SPAG16: variants seen among roughly 807,000 people sequenced by gnomAD.
SPAG16 encodes the protein sperm associated antigen 16.
Under a neutral mutation model 80.4 loss-of-function variants are expected in SPAG16, and 86 were observed. The observed-to-expected ratio is 1.07, with a 90% CI of 0.90 to 1.28. SPAG16 has a LOEUF of 1.28. Ranked by LOEUF, SPAG16 falls within the 50% of genes most tolerant of loss-of-function variation. The pLI, the probability that SPAG16 is intolerant of heterozygous loss-of-function variation, is 0.00. For synonymous variants in SPAG16, 294 were observed against 265.9 expected (o/e 1.11, Z -1.03); for missense variants, 870 against 765.3 (o/e 1.14, Z -1.61).
chr2:214,228,344 T>A (rs943482574), intron 15 of SPAG16, among the ~76,000 whole-genome samples: 2 of 151,982 alleles, frequency 1.3e-5, no homozygotes, highest in African/African-American at 4.8e-5. Context: ...GATAGCATTA[T>A]ATCACAGCTG....
At chr2:214,186,737 A>G (rs1039077304) in intron 15 of SPAG16, among the ~76,000 whole-genome samples, 2 of 151,964 alleles carry the variant, frequency 1.3e-5, no homozygotes, top group African/African-American at 2.4e-5. Flanking sequence ...GAAACATGCA[A>G]TATGCAAGTA....
At chr2:214,054,961 A>G (rs2049859636) in intron 13 of SPAG16, among the ~76,000 whole-genome samples, 1 of 152,190 alleles carries the variant, frequency 6.6e-6, no homozygotes, top group Non-Finnish European at 1.5e-5. Context: ...CCTTTGCCCT[A>G]ACACCACCAC....
intron 11 of SPAG16, among the ~76,000 whole-genome samples, chr2:213,929,523 TTTAA>T (rs1266577350): frequency 2.6e-5 from 4 of 152,210 alleles, no homozygotes; most frequent in Non-Finnish European, 4.4e-5. Context: ...TCCTGAAGCA[TTTAA>T]TTAATCTAAA....
At chr2:213,887,468 G>T (rs2076603382) in intron 11 of SPAG16, among the ~76,000 whole-genome samples, 1 of 151,722 alleles carries the variant, frequency 6.6e-6, no homozygotes, top group South Asian at 2.1e-4. Flanking sequence ...TTTCTGAGAT[G>T]AATAACATAA....
chr2:213,557,526 A>T (rs962036665), intron 10 of SPAG16, among the ~76,000 whole-genome samples: 2 of 152,098 alleles, frequency 1.3e-5, no homozygotes, highest in African/African-American at 4.8e-5. Flanking sequence ...CTTTCCAGGG[A>T]ATAGTATATG....
At chr2:213,479,422 C>T (rs2073628964) in intron 9 of SPAG16, among the ~76,000 whole-genome samples, 1 of 151,940 alleles carries the variant, frequency 6.6e-6, no homozygotes. Context: ...TCTGTCTCCT[C>T]AATATATTAT....
At chr2:214,078,769 G>T (rs900758675) in intron 13 of SPAG16, among the ~76,000 whole-genome samples, 2 of 152,066 alleles carry the variant, frequency 1.3e-5, no homozygotes, top group Non-Finnish European at 2.9e-5. Context: ...ATCTTTAGGG[G>T]TTGTTGTTTT....
chr2:213,545,989 G>T (rs2076600026), intron 10 of SPAG16, among the ~76,000 whole-genome samples: 1 of 152,028 alleles, frequency 6.6e-6, no homozygotes. Flanking sequence ...TTTTTAGAAT[G>T]TCATTTTCTC....
At chr2:213,910,136 A>G (rs1283580196) in intron 11 of SPAG16, among the ~76,000 whole-genome samples, 1 of 152,230 alleles carries the variant, frequency 6.6e-6, no homozygotes, top group Admixed American at 6.5e-5. Context: ...TAATACATAC[A>G]TATTCTATGG....
chr2:213,983,159 G>C (rs1042543672), intron 12 of SPAG16, among the ~76,000 whole-genome samples: 20 of 151,746 alleles, frequency 1.3e-4, no homozygotes, highest in African/African-American at 4.6e-4. Flanking sequence ...TTTTGCTTAT[G>C]ATTTGTAAAA....
intron 9 of SPAG16, among the ~76,000 whole-genome samples, chr2:213,379,574 A>G (rs1267673536): frequency 1.3e-5 from 2 of 152,230 alleles, no homozygotes; most frequent in Non-Finnish European, 2.9e-5. Flanking sequence ...ATGTCTTGGC[A>G]GAAGCATTGC....
intron 10 of SPAG16, among the ~76,000 whole-genome samples, chr2:213,495,002 A>T (rs1379369256): frequency 6.6e-6 from 1 of 152,186 alleles, no homozygotes; most frequent in African/African-American, 2.4e-5. Context: ...TGCCTGAAAA[A>T]TGTAGCTAAT....
Position 214,165,469 on chromosome 2 carries a change from CTTTTTTTTTTTTTTTTTTTTTTTT to C in SPAG16, c.1720+16217_1720+16240del, listed in dbSNP as rs67726428. On this transcript the variant is annotated intron_variant, in intron 15 of 15. Coordinates refer to ENST00000331683, the MANE Select transcript of SPAG16 (RefSeq NM_024532.5). ...TTTAAAAATGCTTTGCATCACCATC[CTTTTTTTTTTTTTTTTTTTTTTTT>C]TTTTTTTTTTTTTGCCAAAATTGAC... Among the ~76,000 whole-genome samples the C allele has an allele frequency of 1.8e-4, 7 of 37,842 alleles. 1 individual carries two copies. Among genetic ancestry groups the C allele is most frequent in the Admixed American group, 1.3e-3 (3 of 2,280 alleles). The allele number at this position is 37,842 out of a possible 152,430, so 24.8% of individuals were successfully genotyped here.
At chr2:213,845,347 G>A (rs556345743) in intron 10 of SPAG16, among the ~76,000 whole-genome samples, 21 of 151,758 alleles carry the variant, frequency 1.4e-4, no homozygotes, top group African/African-American at 4.1e-4. Flanking sequence ...GCAGGCATCC[G>A]CTACCACGCC....
intron 5 of SPAG16, among the ~76,000 whole-genome samples, chr2:213,328,311 A>G (rs1468981350): frequency 6.6e-6 from 1 of 152,052 alleles, no homozygotes; most frequent in Non-Finnish European, 1.5e-5. Flanking sequence ...ATGTTCTAAG[A>G]TCTTATTCAT....
chr2:213,999,570 C>T (rs772565231), intron 12 of SPAG16, among the ~76,000 whole-genome samples: 16 of 152,324 alleles, frequency 1.1e-4, no homozygotes, highest in Non-Finnish European at 1.6e-4. Flanking sequence ...CTTACTGGGG[C>T]ACTGCCTAGT....
chr2:213,719,415 A>G (rs959126599), intron 10 of SPAG16, among the ~76,000 whole-genome samples: 3 of 152,146 alleles, frequency 2.0e-5, no homozygotes, highest in African/African-American at 7.2e-5. Flanking sequence ...GCCTTGGAGA[A>G]CCTGTGTGTC....
intron 10 of SPAG16, among the ~76,000 whole-genome samples, chr2:213,692,343 T>C (rs2064976684): frequency 6.6e-6 from 1 of 152,202 alleles, no homozygotes; most frequent in South Asian, 2.1e-4. Context: ...TTTATTTACA[T>C]TAATTTCACT....
chr2:213,809,003 A>T (rs1198451224), intron 10 of SPAG16, among the ~76,000 whole-genome samples: 2 of 152,192 alleles, frequency 1.3e-5, no homozygotes, highest in East Asian at 3.9e-4. Context: ...TCAGCAAGAC[A>T]AAGATGTAAA....
Sources: gnomAD v4.1 joint callset for allele counts (sites outside exome capture counted in the v4.1 genomes callset) on GRCh38, gnomAD v4.1.1 for gene constraint, MANE v1.5 for transcripts, NCBI Gene and HGNC (gene_info 2026-07-23, HGNC 2026-07-21) for gene names.